Variants in HOXA2 observed in about 807,000 individuals in gnomAD.
The protein encoded by HOXA2 is homeobox protein Hox-A2.
In HOXA2, 4 loss-of-function variants were observed where a neutral mutation model predicts 27.2. The ratio of observed to expected loss-of-function variants is 0.15; its 90% confidence interval spans 0.07 to 0.34. The LOEUF is 0.34. HOXA2 is among the 10% of genes least tolerant of loss of function. HOXA2 has a pLI of 1.00. For missense variants in HOXA2, 430 were observed against 473.2 expected (o/e 0.91, Z 0.85); for synonymous variants, 200 against 202.8 (o/e 0.99, Z 0.12).
chr7:27,101,821 CAGG>C (rs1390825087), intron 1 of HOXA2: 2 of 694,528 alleles, frequency 2.9e-6, no homozygotes, highest in Admixed American at 2.0e-5. Flanking sequence ...GACAACTAGA[CAGG>C]AGGAGGTCAG....
At position 27,101,080 on chromosome 7, in the gene HOXA2, C is replaced by A; in HGVS notation, c.777G>T (p.Gln259His). ...YTFQQNALSQQQAPNGHNGDS... is the reference protein window; with the variant it reads ...YTFQQNALSQHQAPNGHNGDS... Reference sequence around the variant, plus strand: ...CGCCATTGTGTCCATTGGGAGCCTGCTGCTGAGAGAGGGCATTTTGCTGAA... The same window carrying A: ...CGCCATTGTGTCCATTGGGAGCCTGATGCTGAGAGAGGGCATTTTGCTGAA... Residue 259 changes from glutamine (Q) to histidine (H), a missense_variant, in exon 2 of 2, where the codon CAG (glutamine) becomes CAT (histidine). Transcript: ENST00000222718. 6.2e-7 allele frequency: 1 copy of A among 1,614,230 alleles called. No homozygotes were observed. Among genetic ancestry groups the A allele is most frequent in the South Asian group, 1.1e-5 (1 of 91,080 alleles).
At chr7:27,101,605 TTG>T in intron 1 of HOXA2, 140 bp from the exon 2 acceptor site, 1 of 971,466 alleles carries the variant, frequency 1.0e-6, no homozygotes, top group South Asian at 1.4e-5. Flanking sequence ...AGTAGAGCTA[TTG>T]TGCTGCCTTT....
chr7:27,100,902 C>T lies in HOXA2; in HGVS notation c.955G>A (p.Val319Ile). Residue 319 changes from valine (V) to isoleucine (I), a missense_variant, in exon 2 of 2, where the codon GTC (valine) becomes ATC (isoleucine). Transcript: ENST00000222718. The stretch of plus-strand genomic sequence containing the variant: ...ACGCTAAAGTCCTGCAAAGAGGGGA[C>T]CTCAAGGGCCTCAGGACTGTCATTG... ...LNNDSPEALEVPSLQDFSVFS... is the reference protein window; with the variant it reads ...LNNDSPEALEIPSLQDFSVFS... The T allele has an allele frequency of 6.2e-7, 1 of 1,614,220 alleles. No homozygotes were observed. Among genetic ancestry groups the T allele is most frequent in the Non-Finnish European group, 8.5e-7 (1 of 1,180,054 alleles).
chr7:27,101,970 G>A (rs1326175908), intron 1 of HOXA2, 140 bp downstream of exon 1: 2 of 1,221,424 alleles, frequency 1.6e-6, no homozygotes, highest in Non-Finnish European at 2.3e-6. Flanking sequence ...AACCCACAGG[G>A]GCAGGGACAA....
chr7:27,102,591 G>GAAAAAAA lies in HOXA2; in HGVS notation c.-92_-91insTTTTTTT. 7.6e-7 allele frequency: 1 copy of GAAAAAAA among 1,307,508 alleles called. No homozygotes were observed. The highest frequency in any genetic ancestry group is 1.1e-6 in the Non-Finnish European group (1 of 924,244). The allele number at this position is 1,307,508 out of a possible 1,614,324, so 81.0% of individuals were successfully genotyped here. On this transcript the variant is annotated 5_prime_UTR_variant, in exon 1 of 2. It removes the in-frame stop codon of an upstream open reading frame in the 5' UTR. Coordinates refer to ENST00000222718, the MANE Select transcript of HOXA2 (RefSeq NM_006735.4). The surrounding 1 kb of genome is among the most constrained non-coding windows in gnomAD (Gnocchi z 4.6). ...GGCCTAGGAAAAAGGCGAGCGCAGA[G>GAAAAAAA]GAAAAAAAATCTATCATAGAATATC...
intron 1 of HOXA2, chr7:27,101,726 C>T: frequency 1.5e-6 from 1 of 660,438 alleles, no homozygotes; most frequent in South Asian, 1.7e-5. Context: ...TTAGCCACAA[C>T]ACAATTTATA....
Position 27,102,533 on chromosome 7 carries a change from G to A in HOXA2, c.-33C>T. The A allele has an allele frequency of 3.1e-6, 5 of 1,610,166 alleles. No individual in the cohort carries two copies. The highest frequency in any genetic ancestry group is 4.2e-6 in the Non-Finnish European group (5 of 1,179,360). ...TCCTTGGAGCCCCCTCAGAGAAAAA[G>A]TTCCCTCTTTTGGAGGGGCTTTGGG... On this transcript the variant is annotated 5_prime_UTR_variant, in exon 1 of 2. Transcript: ENST00000222718. This position sits in a 1 kb window ranked among gnomAD's most constrained non-coding sequence, Gnocchi z 4.6.
chr7:27,100,906 A>T lies in HOXA2; in HGVS notation c.951T>A (p.Leu317=). The T allele has an allele frequency of 1.9e-6, 3 of 1,614,244 alleles. No individual in the cohort carries two copies. The highest frequency in any genetic ancestry group is 2.5e-6 in the Non-Finnish European group (3 of 1,180,036). ...TAAAGTCCTGCAAAGAGGGGACCTC[A>T]AGGGCCTCAGGACTGTCATTGTTTA... ...AGLNNDSPEA[L]EVPSLQDFSV... The change falls in exon 2 of 2, where the codon CTT becomes CTA. Residue 317 remains leucine, a synonymous_variant. Transcript: ENST00000222718.
At position 27,101,258 on chromosome 7, in the gene HOXA2, C is replaced by T; in HGVS notation, c.599G>A (p.Arg200Lys). ...WFQNRRMKHK[R>K]QTQCKENQNS... ...TTGGTTTTCCTTGCACTGGGTCTGC[C>T]TCTTGTGCTTCATCCTCCGGTTCTG... The change falls in exon 2 of 2, where the codon AGG (arginine) becomes AAG (lysine). Residue 200 changes from arginine to lysine, a missense_variant. Physicochemically the swap from Arg to Lys is conservative, Grantham distance 26. This residue lies in a region of HOXA2 where 236 missense variants were observed against 208.5 expected (regional missense o/e 1.13). Coordinates refer to ENST00000222718, the MANE Select transcript of HOXA2 (RefSeq NM_006735.4). 1.2e-6 allele frequency: 2 copies of T among 1,614,214 alleles called. No homozygotes were observed. The highest frequency in any genetic ancestry group is 1.7e-6 in the Non-Finnish European group (2 of 1,180,036).
Position 27,101,192 on chromosome 7 carries a change from T to G in HOXA2, c.665A>C (p.Lys222Thr). The G allele has an allele frequency of 6.2e-7, 1 of 1,614,160 alleles. No individual in the cohort carries two copies. The highest frequency in any genetic ancestry group is 2.2e-5 in the East Asian group (1 of 44,882). ...GKCKSLEDSE[K>T]VEEDEEEKTL... ...CTTCTCTTCCTCGTCCTCCTCTACT[T>G]TCTCGGAGTCCTCAAGGCTTTTACA... Residue 222 changes from lysine (K) to threonine (T), a missense_variant, in exon 2 of 2, where the codon AAA (lysine) becomes ACA (threonine). Physicochemically the swap from Lys to Thr is moderately conservative, Grantham distance 78 (BLOSUM62 -1). Around this residue, in one of 4 missense-constraint regions of HOXA2, gnomAD observed 236 missense variants for 208.5 expected, o/e 1.13. Transcript: ENST00000222718.
intron 1 of HOXA2, 177 bp downstream of exon 1, chr7:27,101,933 C>G: frequency 1.1e-6 from 1 of 874,820 alleles, no homozygotes; most frequent in Non-Finnish European, 1.8e-6. Flanking sequence ...GCAGGATCCC[C>G]TTTCCTCTCC....
At position 27,102,527 on chromosome 7, in the gene HOXA2, G is replaced by GA. The variant is rs761030859; in HGVS notation, c.-28dup. ...GCCTTCTCCTTGGAGCCCCCTCAGAGAAAAAGTTCCCTCTTTTGGAGGGGC... is the reference window on the plus strand; with the variant it reads ...GCCTTCTCCTTGGAGCCCCCTCAGAGAAAAAAGTTCCCTCTTTTGGAGGGGC... On this transcript the variant is annotated 5_prime_UTR_variant, in exon 1 of 2. The change abolishes the stop of an existing upstream ORF in the 5' untranslated region. Transcript: ENST00000222718. The surrounding 1 kb of genome is among the most constrained non-coding windows in gnomAD (Gnocchi z 4.6). The GA allele has an allele frequency of 4.3e-6, 7 of 1,611,154 alleles. No homozygotes were observed. The African/African-American group carries it at 9.3e-5, about 22-fold the overall frequency.
At chr7:27,101,685 C>G (rs992018727) in intron 1 of HOXA2, 16 of 666,148 alleles carry the variant, frequency 2.4e-5, no homozygotes, top group Middle Eastern at 4.8e-4. Context: ...GTGGCTCCCC[C>G]CAACCTCTTC....
At chr7:27,101,510 T>C (rs372030111) in intron 1 of HOXA2, 45 bp from the exon 2 acceptor site, 4 of 1,596,236 alleles carry the variant, frequency 2.5e-6, no homozygotes, top group Non-Finnish European at 2.5e-6. Flanking sequence ...CAGTTGGAGG[T>C]GGAGGGGTCC....
At position 27,100,626 on chromosome 7, in the gene HOXA2, T is replaced by G; in HGVS notation, c.*100A>C. On this transcript the variant is annotated 3_prime_UTR_variant, in exon 2 of 2. Transcript: ENST00000222718. ...ACACTTAAAGGAGGGAAGGGGTAGGTCAAGAAGAAAATAAAAAATAAACTC... is the reference window on the plus strand; with the variant it reads ...ACACTTAAAGGAGGGAAGGGGTAGGGCAAGAAGAAAATAAAAAATAAACTC... 1 of 1,332,148 alleles carries G rather than the reference T, an allele frequency of 7.5e-7. No individual in the cohort carries two copies. The highest frequency in any genetic ancestry group is 1.1e-6 in the Non-Finnish European group (1 of 932,166). The allele number at this position is 1,332,148 out of a possible 1,614,324, so 82.5% of individuals were successfully genotyped here.
chr7:27,101,734 A>C (rs1783929259), intron 1 of HOXA2: 2 of 660,844 alleles, frequency 3.0e-6, no homozygotes, highest in Non-Finnish European at 5.5e-6. Context: ...AACACAATTT[A>C]TAATTAATGC....
At position 27,100,741 on chromosome 7, in the gene HOXA2, C is replaced by T. The variant is rs1479131722; in HGVS notation, c.1116G>A (p.Gln372=). ...FTDTLTTIDL[Q]HLNY The stretch of plus-strand genomic sequence containing the variant: ...TTTAATGTTTTTAGTAATTCAGATG[C>T]TGCAAGTCGATTGTGGTGAGTGTGT... Residue 372 remains glutamine (Q), a synonymous_variant, in exon 2 of 2, where the codon CAG becomes CAA. Coordinates refer to ENST00000222718, the MANE Select transcript of HOXA2 (RefSeq NM_006735.4). 41 of 1,614,088 alleles carry T rather than the reference C, an allele frequency of 2.5e-5. No homozygotes were observed. Among genetic ancestry groups the T allele is most frequent in the Non-Finnish European group, 3.3e-5 (39 of 1,180,052 alleles).
rs757100119 is a variant in HOXA2 at position 27,102,007 on chromosome 7, CCTT to C, written c.391+100_391+102del. On this transcript the variant is annotated intron_variant, in intron 1 of 1. Coordinates refer to ENST00000222718, the MANE Select transcript of HOXA2 (RefSeq NM_006735.4). The surrounding 1 kb of genome is among the most constrained non-coding windows in gnomAD (Gnocchi z 4.6). ...GCAACCAAGCATCTCTCCCTCTCCT[CCTT>C]CTCTCCCAGCCCACTCTCCCCTCCC... 7.3e-6 allele frequency: 11 copies of C among 1,511,398 alleles called. No individual in the cohort carries two copies. Among genetic ancestry groups the C allele is most frequent in the Admixed American group, 1.9e-5 (1 of 53,258 alleles). The allele number at this position is 1,511,398 out of a possible 1,614,324, so 93.6% of individuals were successfully genotyped here. A position where few individuals can be genotyped will look rare whatever the true frequency, so the allele number is the denominator to read the frequency against.
rs1242107514 is a variant in HOXA2 at position 27,102,023 on chromosome 7, A to G, written c.391+87T>C. ...CCCTCTCCTCCTTCTCTCCCAGCCC[A>G]CTCTCCCCTCCCCCCACAGCCACTC... On this transcript the variant is annotated intron_variant, in intron 1 of 1. Transcript: ENST00000222718. The surrounding 1 kb of genome is among the most constrained non-coding windows in gnomAD (Gnocchi z 4.6). The G allele has an allele frequency of 6.5e-7, 1 of 1,529,728 alleles. No individual in the cohort carries two copies. The highest frequency in any genetic ancestry group is 1.9e-5 in the Admixed American group (1 of 53,314). 94.8% of individuals were successfully genotyped at this position (1,529,728 alleles called of 1,614,324 possible).
Sources: allele counts gnomAD v4.1 joint callset, GRCh38; gene constraint gnomAD v4.1.1; regional missense constraint gnomAD v4.1.1; non-coding constraint Gnocchi (gnomAD v3.1); transcripts MANE v1.5; gene names NCBI Gene and HGNC (gene_info 2026-07-23, HGNC 2026-07-21).